Variants in LMO7 observed in about 807,000 individuals in gnomAD.
LMO7 encodes LIM domain only protein 7.
Under a neutral mutation model 206.5 loss-of-function variants are expected in LMO7, and 120 were observed. That is an observed-to-expected ratio of 0.58 (90% confidence interval 0.50 to 0.68). The LOEUF (loss-of-function observed/expected upper bound fraction) is 0.68, where lower values mean the gene tolerates loss of function less well. Among genes scored for constraint, LMO7 ranks in the 30% least tolerant of loss-of-function variants. The pLI is 0.00. For missense variants in LMO7, 1,959 were observed against 1,957.9 expected (o/e 1.00, Z -0.01); for synonymous variants, 706 against 681.5 (o/e 1.04, Z -0.56).
At chr13:75,829,093 G>A (rs374249930) in intron 15 of LMO7, among the ~76,000 whole-genome samples, 61 of 152,248 alleles carry the variant, frequency 4.0e-4, no homozygotes, top group African/African-American at 1.3e-3. Context: ...CTTAGGCATC[G>A]GAGACATGGC....
In LMO7 at chr13:75,856,794, G is replaced by A. The variant is rs141022275; in HGVS notation, c.4873+186G>A. 823 of 518,756 alleles carry A rather than the reference G, an allele frequency of 1.6e-3. 4 individuals carry two copies. The highest frequency in any genetic ancestry group is 0.013 in the African/African-American group (692 of 51,970). 32.1% of individuals were successfully genotyped at this position (518,756 alleles called of 1,614,324 possible). ...GAATGGGTCACTGCTCAGGGTTCCAGCTACACAGGAGTGGGTTGTGGGGCC... is the reference window on the plus strand; with the variant it reads ...GAATGGGTCACTGCTCAGGGTTCCAACTACACAGGAGTGGGTTGTGGGGCC... On this transcript the variant is annotated intron_variant, in intron 30 of 30. Transcript: ENST00000377534.
chr13:75,623,419 A>G (rs987736609), intron 2 of LMO7: 10 of 680,084 alleles, frequency 1.5e-5, no homozygotes, highest in Admixed American at 2.6e-5. Context: ...GGTGGAGTGC[A>G]GTGGTGCCAT....
rs746174184 is a variant in LMO7 at position 75,834,384 on chromosome 13, G to C, written c.3223G>C (p.Ala1075Pro). Reference sequence around the variant, plus strand: ...GATGGATGTGAGGCGCTATGGAAAGGCTGGTGAGTTTGTGTTACCACCATG... The same window carrying C: ...GATGGATGTGAGGCGCTATGGAAAGCCTGGTGAGTTTGTGTTACCACCATG... ...LVMDVRRYGK[A>P]GSPETKWIDA... The change falls in exon 17 of 31, where the codon GCT (alanine) becomes CCT (proline). Residue 1075 changes from alanine (A) to proline (P), a missense_variant. Transcript: ENST00000377534. The C allele has an allele frequency of 3.8e-6, 6 of 1,590,212 alleles. No homozygotes were observed. Among genetic ancestry groups the C allele is most frequent in the Middle Eastern group, 1.7e-4 (1 of 5,972 alleles).
At chr13:75,705,946 T>C (rs1594397865) in intron 1 of LMO7, among the ~76,000 whole-genome samples, 1 of 142,774 alleles carries the variant, frequency 7.0e-6, no homozygotes, top group South Asian at 2.3e-4. Context: ...CAGACATTTA[T>C]CTGCTAAGAT....
At chr13:75,849,004 C>G (rs775900169) in intron 26 of LMO7, 75 bp from the exon 27 acceptor site, 44 of 823,530 alleles carry the variant, frequency 5.3e-5, no homozygotes, top group Non-Finnish European at 7.7e-5. Flanking sequence ...TTTCCCTGAT[C>G]ACTAGTGATG....
intron 2 of LMO7, among the ~76,000 whole-genome samples, chr13:75,720,574 A>G (rs970846617): frequency 6.6e-6 from 1 of 152,262 alleles, no homozygotes; most frequent in East Asian, 1.9e-4. Context: ...ATTTTCTACT[A>G]CTCAGTGAAA....
At chr13:75,829,266 A>T (rs1300354818) in intron 15 of LMO7, among the ~76,000 whole-genome samples, 13 of 152,154 alleles carry the variant, frequency 8.5e-5, no homozygotes. Context: ...ATAATAGGTG[A>T]CTTTAGAAGA....
chr13:75,730,506 G>T (rs1209935279), intron 3 of LMO7, among the ~76,000 whole-genome samples: 1 of 151,934 alleles, frequency 6.6e-6, no homozygotes, highest in Non-Finnish European at 1.5e-5. Context: ...GCGTCTATTT[G>T]ATTCTTCTCT....
At chr13:75,749,539 T>G (rs897639782) in intron 3 of LMO7, among the ~76,000 whole-genome samples, 8 of 152,208 alleles carry the variant, frequency 5.3e-5, no homozygotes, top group South Asian at 4.1e-4. Flanking sequence ...CCCGAGTGGA[T>G]GAAGCATTTC....
intron 3 of LMO7, among the ~76,000 whole-genome samples, chr13:75,741,474 A>AATCCT (rs1741112118): frequency 1.3e-5 from 2 of 152,218 alleles, no homozygotes; most frequent in African/African-American, 2.4e-5. Context: ...TCGATGCAAA[A>AATCCT]ATCCTCAACA....
chr13:75,768,945 T>G (rs1198523411), intron 4 of LMO7, among the ~76,000 whole-genome samples: 1 of 152,082 alleles, frequency 6.6e-6, no homozygotes, highest in Non-Finnish European at 1.5e-5. Context: ...TTTGAAATAT[T>G]TGTTTTTTTA....
rs375023093 is a variant in LMO7 at position 75,713,204 on chromosome 13, A to T, written c.92A>T (p.Glu31Val). ...CAGGCAGTAACAGAGAAGAATTTTG[A>T]AACAAAAGATTTTCGAGCCTCTCTA... ...WVEAVTEKNF[E>V]TKDFRASLEN... The change falls in exon 2 of 31, where the codon GAA (glutamate) becomes GTA (valine). Residue 31 changes from glutamate to valine, a missense_variant. Coordinates refer to ENST00000377534, the MANE Select transcript of LMO7 (RefSeq NM_001306080.2). The T allele has an allele frequency of 6.2e-7, 1 of 1,612,254 alleles. No individual in the cohort carries two copies. Among genetic ancestry groups the T allele is most frequent in the Admixed American group, 1.7e-5 (1 of 59,830 alleles).
chr13:75,737,569 C>A (rs1434698125), intron 3 of LMO7, among the ~76,000 whole-genome samples: 2 of 147,638 alleles, frequency 1.4e-5, no homozygotes. Flanking sequence ...CTGGCTAACA[C>A]GGTGAAACCC....
Position 75,636,698 on chromosome 13 carries a change from C to T in LMO7, c.41C>T (p.Ala14Val), listed in dbSNP as rs1431775195. 3.1e-6 allele frequency: 5 copies of T among 1,609,708 alleles called. No individual in the cohort carries two copies. The highest frequency in any genetic ancestry group is 4.2e-6 in the Non-Finnish European group (5 of 1,178,734). Residue 14 changes from alanine (A) to valine (V), a missense_variant, in exon 1 of 31, where the codon GCG becomes GTG. Transcript: ENST00000377534. ...GAGGCAGAGGCCAACTGCTCCGTGG[C>T]GTTCGCTGAGGCTCAGAGATGGGTG... ...LEEAEANCSVAFAEAQRWVEA... is the reference protein window; with the variant it reads ...LEEAEANCSVVFAEAQRWVEA...
intron 1 of LMO7, among the ~76,000 whole-genome samples, chr13:75,683,492 C>G (rs1018756632): frequency 1.3e-5 from 2 of 152,148 alleles, no homozygotes; most frequent in Non-Finnish European, 2.9e-5. Flanking sequence ...TTAATACAGT[C>G]TCATCCTTAT....
At chr13:75,674,705 G>T (rs552885061) in intron 1 of LMO7, among the ~76,000 whole-genome samples, 2 of 152,320 alleles carry the variant, frequency 1.3e-5, no homozygotes, top group South Asian at 4.2e-4. Flanking sequence ...AATAGGACTT[G>T]AGAGTTTGGG....
At chr13:75,632,877 T>TTTTTTTTTTTG, upstream of LMO7, among the ~76,000 whole-genome samples, 1 of 147,368 alleles carries the variant, frequency 6.8e-6, no homozygotes, top group African/African-American at 2.5e-5. Flanking sequence ...TTTTTTTTTT[T>TTTTTTTTTTTG]TGTGATGGAG....
Position 75,841,101 on chromosome 13 carries a change from T to G in LMO7, c.3583-8T>G. ...TATTGGATTAATATATGTCATATTT[T>G]CTTATAGGAAAAATATCAACGTGAG... On this transcript the variant is annotated splice_region_variant and splice_polypyrimidine_tract_variant and intron_variant, in intron 22 of 30. Transcript: ENST00000377534. The G allele has an allele frequency of 6.3e-7, 1 of 1,579,520 alleles. No individual in the cohort carries two copies. The highest frequency in any genetic ancestry group is 8.7e-7 in the Non-Finnish European group (1 of 1,150,260).
Position 75,841,191 on chromosome 13 carries a change from A to T in LMO7, c.3665A>T (p.Tyr1222Phe), listed in dbSNP as rs764906446. 4.4e-6 allele frequency: 7 copies of T among 1,608,530 alleles called. No homozygotes were observed. The South Asian group carries it at 7.7e-5, about 18-fold the overall frequency. The change falls in exon 23 of 31, where the codon TAC becomes TTC. Residue 1222 changes from tyrosine to phenylalanine, a missense_variant. Tyr to Phe is a conservative substitution (Grantham distance 22). Transcript: ENST00000377534. Reference protein sequence around the residue: ...KQEAERENSKYLDEELMVLSS... With the variant: ...KQEAERENSKFLDEELMVLSS... ...GAGGCAGAGAGAGAGAATTCCAAGT[A>T]CTTGGATGAGGTAGTGTTAGAACAT...
Sources: gnomAD v4.1 joint callset for allele counts (sites outside exome capture counted in the v4.1 genomes callset) on GRCh38, gnomAD v4.1.1 for gene constraint, MANE v1.5 for transcripts, NCBI Gene and HGNC (gene_info 2026-07-23, HGNC 2026-07-21) for gene names.